The following CNTN5 variants were observed in gnomAD, a reference collection of about 807,000 sequenced individuals.
The protein encoded by CNTN5 is contactin-5.
In CNTN5, 77 loss-of-function variants were observed where a neutral mutation model predicts 129.1. The ratio of observed to expected loss-of-function variants is 0.60; its 90% CI spans 0.50 to 0.72. The LOEUF (loss-of-function observed/expected upper bound fraction) is 0.72, where lower values mean the gene tolerates loss of function less well. CNTN5 is among the 30% of genes least tolerant of loss of function. The pLI, the probability that CNTN5 is intolerant of heterozygous loss-of-function variation, is 0.00. For missense variants in CNTN5, 1,478 were observed against 1,328.8 expected (o/e 1.11, Z -1.75); for synonymous variants, 509 against 465.6 (o/e 1.09, Z -1.20).
chr11:99,481,691 A>G (rs1945607716), intron 2 of CNTN5, among the ~76,000 whole-genome samples: 1 of 152,124 alleles, frequency 6.6e-6, no homozygotes, highest in Non-Finnish European at 1.5e-5. Context: ...TCCTTCTCTA[A>G]GTGTTGACAA....
intron 3 of CNTN5, among the ~76,000 whole-genome samples, chr11:99,744,951 T>A (rs2135181556): frequency 6.6e-6 from 1 of 152,298 alleles, no homozygotes; most frequent in East Asian, 1.9e-4. Flanking sequence ...TTCTATTCCT[T>A]CATTTCCCCT....
rs150675967 is a variant in CNTN5, at chr11:100,234,721, G to A, written c.2005+9909G>A. Among the ~76,000 whole-genome samples, 41 of 148,164 alleles carry A rather than the reference G, an allele frequency of 2.8e-4. 1 individual carries two copies. The East Asian group carries it at 7.1e-3, about 26-fold the overall frequency. ...TAATGTAGATGACAGGTTGACGGGT[G>A]CAGCAAACCACCATGGCATGTGTAT... On this transcript the variant is annotated intron_variant, in intron 16 of 24. Transcript: ENST00000524871.
intron 9 of CNTN5, among the ~76,000 whole-genome samples, chr11:100,035,605 T>C (rs1160813508): frequency 2.4e-4 from 34 of 142,246 alleles, no homozygotes; most frequent in African/African-American, 8.9e-4. Flanking sequence ...AAAGTGTTCC[T>C]ATTTCTCCAC....
intron 7 of CNTN5, among the ~76,000 whole-genome samples, chr11:99,953,766 A>G (rs903978082): frequency 6.6e-6 from 1 of 152,192 alleles, no homozygotes; most frequent in Admixed American, 6.5e-5. Flanking sequence ...AAATTCCCCA[A>G]TGAGAAACCA....
chr11:99,541,110 C>T (rs1948091575), intron 2 of CNTN5, among the ~76,000 whole-genome samples: 1 of 152,160 alleles, frequency 6.6e-6, no homozygotes, highest in African/African-American at 2.4e-5. Flanking sequence ...CGTAACAACT[C>T]CACACTTGAG....
intron 21 of CNTN5, among the ~76,000 whole-genome samples, chr11:100,315,792 G>A (rs894685617): frequency 5.3e-5 from 8 of 152,152 alleles, no homozygotes; most frequent in Non-Finnish European, 1.0e-4. Context: ...CCACCCATTT[G>A]TAAATTTTGG....
At chr11:99,806,767 A>T (rs1946283554) in intron 3 of CNTN5, among the ~76,000 whole-genome samples, 1 of 151,082 alleles carries the variant, frequency 6.6e-6, no homozygotes, top group African/African-American at 2.4e-5. Flanking sequence ...AGATTGTGCT[A>T]CTGCATTCCA....
chr11:99,429,600 G>A (rs898397632), intron 2 of CNTN5, among the ~76,000 whole-genome samples: 3 of 151,722 alleles, frequency 2.0e-5, no homozygotes, highest in Non-Finnish European at 4.4e-5. Flanking sequence ...GAAATCTACC[G>A]TACCATAGGA....
chr11:99,885,052 G>A (rs1376976000), intron 6 of CNTN5, among the ~76,000 whole-genome samples: 1 of 152,094 alleles, frequency 6.6e-6, no homozygotes, highest in African/African-American at 2.4e-5. Flanking sequence ...GGGGGGTGAG[G>A]AGAGTGTATC....
intron 3 of CNTN5, among the ~76,000 whole-genome samples, chr11:99,806,350 C>T (rs1315766459): frequency 6.6e-6 from 1 of 152,062 alleles, no homozygotes. Context: ...TGAAGTGTGT[C>T]AGCTAATATG....
At chr11:99,139,349 A>G (rs1460410694) in intron 1 of CNTN5, among the ~76,000 whole-genome samples, 2 of 152,204 alleles carry the variant, frequency 1.3e-5, no homozygotes, top group African/African-American at 4.8e-5. Context: ...ACTTGCAAAC[A>G]CAGGATGTGA....
intron 1 of CNTN5, among the ~76,000 whole-genome samples, chr11:99,242,760 T>G (rs1481089442): frequency 1.3e-5 from 2 of 152,130 alleles, no homozygotes; most frequent in Non-Finnish European, 2.9e-5. Context: ...CCTGCATTAA[T>G]TTGCCTAGGA....
chr11:99,662,836 A>G (rs1297893283), intron 3 of CNTN5, among the ~76,000 whole-genome samples: 1 of 152,210 alleles, frequency 6.6e-6, no homozygotes, highest in African/African-American at 2.4e-5. Context: ...CTGATTTAGT[A>G]ACTGCATTTT....
chr11:99,107,734 A>T (rs1000871604), intron 1 of CNTN5, among the ~76,000 whole-genome samples: 4 of 151,900 alleles, frequency 2.6e-5, no homozygotes, highest in African/African-American at 7.3e-5. Context: ...GATTGAGACC[A>T]TCCTAGCTAA....
intron 7 of CNTN5, among the ~76,000 whole-genome samples, chr11:99,942,294 C>A (rs905201241): frequency 1.3e-5 from 2 of 151,864 alleles, no homozygotes; most frequent in African/African-American, 4.8e-5. Context: ...CATAGGACCA[C>A]TACAAGAGGA....
intron 1 of CNTN5, among the ~76,000 whole-genome samples, chr11:99,196,910 G>A (rs57596218): frequency 0.092 from 13,976 of 151,692 alleles, 866 homozygotes; most frequent in East Asian, 0.34. Flanking sequence ...TTAATACAAT[G>A]GAAGTCAGGA....
At chr11:100,270,796 A>C (rs1368944503) in intron 17 of CNTN5, among the ~76,000 whole-genome samples, 1 of 152,238 alleles carries the variant, frequency 6.6e-6, no homozygotes, top group Non-Finnish European at 1.5e-5. Flanking sequence ...TTGGCCCCTT[A>C]TCTGGGGCTG....
At chr11:99,979,681 A>G (rs1938214201) in intron 8 of CNTN5, among the ~76,000 whole-genome samples, 1 of 152,218 alleles carries the variant, frequency 6.6e-6, no homozygotes, top group Admixed American at 6.5e-5. Flanking sequence ...ACAAGCTCAT[A>G]GTTCATAACT....
chr11:99,249,598 T>C (rs1347759804), intron 1 of CNTN5, among the ~76,000 whole-genome samples: 1 of 152,066 alleles, frequency 6.6e-6, no homozygotes, highest in Non-Finnish European at 1.5e-5. Context: ...GGACATATTC[T>C]AGGTTTTTAA....
Sources: allele counts gnomAD v4.1 joint callset (sites outside exome capture counted in the v4.1 genomes callset), GRCh38; gene constraint gnomAD v4.1.1; transcripts MANE v1.5; gene names NCBI Gene and HGNC (gene_info 2026-07-23, HGNC 2026-07-21).